The following SFI1 variants were observed in gnomAD, a reference collection of about 807,000 sequenced individuals.
The protein encoded by SFI1 is SFI1 centrin binding protein.
A neutral mutation model predicts 207.5 loss-of-function variants in SFI1; 195 were observed. The ratio of observed to expected loss-of-function variants is 0.94; its 90% CI spans 0.84 to 1.06. The LOEUF (loss-of-function observed/expected upper bound fraction) is 1.06, where lower values mean the gene tolerates loss of function less well. Ranked by LOEUF, SFI1 falls within the 50% of genes least tolerant of loss-of-function variation. The probability of loss-of-function intolerance (pLI) is 0.00; values close to 1 mark genes in which losing one functional copy is unlikely to be tolerated. For missense variants in SFI1, 1,634 were observed against 1,588.0 expected (o/e 1.03, Z -0.49); for synonymous variants, 630 against 598.9 (o/e 1.05, Z -0.76).
At chr22:31,528,285 G>A (rs989173680) in intron 2 of SFI1, among the ~76,000 whole-genome samples, 1 of 151,828 alleles carries the variant, frequency 6.6e-6, no homozygotes, top group Admixed American at 6.6e-5. Context: ...ACACAGTGGC[G>A]AGCACCTGTG....
chr22:31,580,790 G>A (rs1002294757), intron 12 of SFI1, among the ~76,000 whole-genome samples: 7 of 151,920 alleles, frequency 4.6e-5, no homozygotes, highest in African/African-American at 1.5e-4. Context: ...TGATCCACCC[G>A]CCTCAGCCTC....
At chr22:31,527,023 A>G (rs1042564208) in intron 2 of SFI1, among the ~76,000 whole-genome samples, 2 of 152,030 alleles carry the variant, frequency 1.3e-5, no homozygotes. Flanking sequence ...CAGCCTCCCA[A>G]GTAGCTGAGA....
chr22:31,593,872 G>A (rs1423954654), intron 15 of SFI1, among the ~76,000 whole-genome samples: 2 of 148,616 alleles, frequency 1.3e-5, no homozygotes, highest in Non-Finnish European at 3.0e-5. Flanking sequence ...GCAATCGCAG[G>A]CATTCGGCAG....
Position 31,589,456 on chromosome 22 carries a change from G to A in SFI1, c.1423G>A (p.Ala475Thr). ...QKRRYKQLLQ[A>T]RADGHFQQRA... ...CATTCTTTTACTTTAGCTGCTACAG[G>A]CCAGAGCGGATGGTCATTTCCAGCA... Residue 475 changes from alanine (A) to threonine (T), a missense_variant, in exon 15 of 33, where the codon GCC becomes ACC. Transcript: ENST00000400288. The A allele has an allele frequency of 6.2e-7, 1 of 1,611,342 alleles. No homozygotes were observed. Among genetic ancestry groups the A allele is most frequent in the Non-Finnish European group, 8.5e-7 (1 of 1,179,226 alleles).
intron 14 of SFI1, among the ~76,000 whole-genome samples, chr22:31,588,977 T>C (rs1569402200): frequency 6.6e-6 from 1 of 152,240 alleles, no homozygotes; most frequent in Non-Finnish European, 1.5e-5. Flanking sequence ...AGTAGACTTT[T>C]ATAATTACAT....
intron 4 of SFI1, among the ~76,000 whole-genome samples, chr22:31,534,797 A>G (rs1224507119): frequency 6.7e-6 from 1 of 148,762 alleles, no homozygotes; most frequent in Admixed American, 6.7e-5. Flanking sequence ...TTTTTTGTGG[A>G]CAAATCTTCT....
rs1266866067 is a variant in SFI1 at position 31,502,640 on chromosome 22, G to A, written c.-30-5615G>A. On this transcript the variant is annotated intron_variant, in intron 1 of 32. Transcript: ENST00000400288. ...CCACCTGCCTCGGCCTCCTGAAGTC[G>A]TGGGATTACAGGCGTGAGCCACTGC... Among the ~76,000 whole-genome samples the A allele has an allele frequency of 3.9e-5, 6 of 152,002 alleles. No individual in the cohort carries two copies. The South Asian group carries it at 8.3e-4, about 21-fold the overall frequency.
intron 15 of SFI1, among the ~76,000 whole-genome samples, chr22:31,602,007 G>T (rs904174153): frequency 6.6e-6 from 1 of 151,526 alleles, no homozygotes; most frequent in Non-Finnish European, 1.5e-5. Flanking sequence ...TGCCCAGGCT[G>T]GTCTTGGCCT....
intron 2 of SFI1, among the ~76,000 whole-genome samples, chr22:31,518,215 C>G (rs1415471687): frequency 6.6e-6 from 1 of 152,084 alleles, no homozygotes; most frequent in Non-Finnish European, 1.5e-5. Flanking sequence ...GTCTTGAACT[C>G]CTGTCCTCAG....
chr22:31,603,290 C>G (rs1227711512), intron 17 of SFI1, among the ~76,000 whole-genome samples: 1 of 152,168 alleles, frequency 6.6e-6, no homozygotes, highest in African/African-American at 2.4e-5. Context: ...ATTGTGATAG[C>G]TGACTGCTGC....
chr22:31,564,044 T>C (rs2061998384), intron 8 of SFI1, among the ~76,000 whole-genome samples: 1 of 151,430 alleles, frequency 6.6e-6, no homozygotes, highest in Non-Finnish European at 1.5e-5. Flanking sequence ...TATTAGCAGA[T>C]AGGCCAGGCG....
chr22:31,604,379 T>C lies in SFI1; in HGVS notation c.1952T>C (p.Leu651Pro), dbSNP rs777504257. ...GACCTGCACCACCAGCACAGCGTGC[T>C]GCACAGGGCGCTGCAGGCATGGGTG... ...RADLHHQHSV[L>P]HRALQAWVTY... The change falls in exon 19 of 33, where the codon CTG (leucine) becomes CCG (proline). Residue 651 changes from leucine (L) to proline (P), a missense_variant. Coordinates refer to ENST00000400288, the MANE Select transcript of SFI1 (RefSeq NM_001007467.3). 4 of 1,564,574 alleles carry C rather than the reference T, an allele frequency of 2.6e-6. No homozygotes were observed. In the South Asian group the frequency reaches 3.5e-5, roughly 14 times the overall value.
chr22:31,561,334 T>C lies in SFI1; in HGVS notation c.707T>C (p.Val236Ala). 1 of 1,614,188 alleles carries C rather than the reference T, an allele frequency of 6.2e-7. No homozygotes were observed. The highest frequency in any genetic ancestry group is 8.5e-7 in the Non-Finnish European group (1 of 1,180,020). The change falls in exon 8 of 33, where the codon GTG becomes GCG. Residue 236 changes from valine (V) to alanine (A), a missense_variant. Val to Ala is a moderately conservative substitution (Grantham distance 64). Coordinates refer to ENST00000400288, the MANE Select transcript of SFI1 (RefSeq NM_001007467.3). The stretch of plus-strand genomic sequence containing the variant: ...AGGCAGCGACTAGGACAGGTCCGTG[T>C]GAGCCGTGCCCTCCATGCCTCTGCT... ...TWRQRLGQVR[V>A]SRALHASALK...
At chr22:31,594,715 C>T (rs551786691) in intron 15 of SFI1, among the ~76,000 whole-genome samples, 14 of 148,150 alleles carry the variant, frequency 9.4e-5, no homozygotes, top group African/African-American at 3.2e-4. Context: ...ATTAGCCGGG[C>T]GTGGTGGTGG....
At chr22:31,592,410 A>G (rs1373247991) in intron 15 of SFI1, among the ~76,000 whole-genome samples, 4 of 29,842 alleles carry the variant, frequency 1.3e-4, no homozygotes, top group South Asian at 1.7e-3. Context: ...CAGGGGGCTG[A>G]CCCCCCCACC....
chr22:31,523,780 T>C (rs2057558434), intron 2 of SFI1, among the ~76,000 whole-genome samples: 1 of 152,136 alleles, frequency 6.6e-6, no homozygotes, highest in Non-Finnish European at 1.5e-5. Flanking sequence ...TGATTTGCCA[T>C]AAACTTCAAA....
At chr22:31,508,107 T>A in intron 1 of SFI1, 148 bp from the exon 2 acceptor site, 1 of 384,188 alleles carries the variant, frequency 2.6e-6, no homozygotes, top group Non-Finnish European at 4.7e-6. Flanking sequence ...AATTTAAATA[T>A]AATATTTTAA....
Position 31,616,897 on chromosome 22 carries a change from CA to C in SFI1, c.3433+21del. The C allele has an allele frequency of 1.2e-6, 2 of 1,609,644 alleles. No individual in the cohort carries two copies. The highest frequency in any genetic ancestry group is 2.2e-5 in the South Asian group (2 of 90,372). On this transcript the variant is annotated intron_variant, in intron 30 of 32. Transcript: ENST00000400288. ...CTGCAGGTGTGTACCTGGGGCCTGT[CA>C]GGGCAGAAAGCACTCAGGCCACTCC...
At chr22:31,534,857 T>C (rs1185909943) in intron 4 of SFI1, among the ~76,000 whole-genome samples, 1 of 151,852 alleles carries the variant, frequency 6.6e-6, no homozygotes, top group Non-Finnish European at 1.5e-5. Context: ...TCTTCTTTCC[T>C]CATATAACTT....
Sources: allele counts gnomAD v4.1 joint callset (sites outside exome capture counted in the v4.1 genomes callset), GRCh38; gene constraint gnomAD v4.1.1; transcripts MANE v1.5; gene names NCBI Gene and HGNC (gene_info 2026-07-23, HGNC 2026-07-21).